SLC16A7: variants seen among roughly 807,000 people sequenced by gnomAD.
The protein encoded by SLC16A7 is solute carrier family 16 member 7, also known as monocarboxylate transporter 2.
In SLC16A7, 33 loss-of-function variants were observed where a neutral mutation model predicts 34.9. The ratio of observed to expected loss-of-function variants is 0.94; its 90% CI spans 0.72 to 1.26. The LOEUF (loss-of-function observed/expected upper bound fraction) is 1.26. Among genes scored for constraint, SLC16A7 ranks in the 50% most tolerant of loss-of-function variants. The probability of loss-of-function intolerance (pLI) is 0.00; values close to 1 mark genes in which losing one functional copy is unlikely to be tolerated. For synonymous variants in SLC16A7, 201 were observed against 206.6 expected, an observed-to-expected ratio of 0.97 and a Z score of 0.23; for missense variants, 573 against 578.1, an observed-to-expected ratio of 0.99 and a Z score of 0.09.
At chr12:59,643,494 A>G (rs1880776841) in intron 1 of SLC16A7, among the ~76,000 whole-genome samples, 1 of 152,176 alleles carries the variant, frequency 6.6e-6, no homozygotes, top group Admixed American at 6.6e-5. Flanking sequence ...TCCATATATC[A>G]TCATGGAAGT....
intron 2 of SLC16A7, among the ~76,000 whole-genome samples, chr12:59,684,966 G>A (rs1214445373): frequency 6.6e-6 from 1 of 152,116 alleles, no homozygotes; most frequent in Non-Finnish European, 1.5e-5. Context: ...GTGTGGTACA[G>A]GTATGCCATC....
chr12:59,703,563 CT>C (rs752701277), intron 2 of SLC16A7, among the ~76,000 whole-genome samples: 6 of 152,032 alleles, frequency 3.9e-5, no homozygotes, highest in Non-Finnish European at 5.9e-5. Context: ...GAGATATTTT[CT>C]GTACAAATCA....
chr12:59,727,030 T>C (rs12824130), intron 3 of SLC16A7, among the ~76,000 whole-genome samples: 9,388 of 151,314 alleles, frequency 0.062, 446 homozygotes, highest in Middle Eastern at 0.18. Flanking sequence ...TCAAAAGGAG[T>C]GATCATGAGG....
At chr12:59,769,524 A>AGTT (rs1882018847) in intron 3 of SLC16A7, among the ~76,000 whole-genome samples, 1 of 151,944 alleles carries the variant, frequency 6.6e-6, no homozygotes, top group Non-Finnish European at 1.5e-5. Context: ...GCCTTTTTAA[A>AGTT]GTTTTATGTT....
intron 2 of SLC16A7, among the ~76,000 whole-genome samples, chr12:59,691,530 G>A (rs979781432): frequency 6.6e-6 from 1 of 152,008 alleles, no homozygotes; most frequent in African/African-American, 2.4e-5. Flanking sequence ...GGGCTGGGCT[G>A]ACTGAAGTCT....
Position 59,660,541 on chromosome 12 carries a change from CA to C in SLC16A7, c.-31+5307del, listed in dbSNP as rs201006070. 5.5e-3 allele frequency among the ~76,000 whole-genome samples: 608 copies of C among 111,456 alleles called. 6 individuals carry two copies. The highest frequency in any genetic ancestry group is 0.012 in the Middle Eastern group (2 of 168). 73.1% of individuals were successfully genotyped at this position (111,456 alleles called of 152,430 possible). A position where few individuals can be genotyped will look rare whatever the true frequency, so the allele number is the denominator to read the frequency against. On this transcript the variant is annotated intron_variant, in intron 2 of 5. Transcript: ENST00000547379. ...ACAACATAGGCAGACCTTGTCTCTA[CA>C]AAAAAAAAAAAAAAATTAAAAATTA...
intron 3 of SLC16A7, among the ~76,000 whole-genome samples, chr12:59,731,478 G>C (rs1486724891): frequency 6.6e-6 from 1 of 152,184 alleles, no homozygotes; most frequent in Non-Finnish European, 1.5e-5. Context: ...GCTTTGAAGT[G>C]CTTGATAGTA....
chr12:59,703,447 A>G (rs1873122514), intron 2 of SLC16A7, among the ~76,000 whole-genome samples: 1 of 152,150 alleles, frequency 6.6e-6, no homozygotes, highest in South Asian at 2.1e-4. Flanking sequence ...ATTGTACCCC[A>G]TAAATATATA....
At chr12:59,731,713 C>A (rs1373452996) in intron 3 of SLC16A7, among the ~76,000 whole-genome samples, 1 of 152,142 alleles carries the variant, frequency 6.6e-6, no homozygotes, top group Non-Finnish European at 1.5e-5. Flanking sequence ...ACATAGAGCT[C>A]ATTTGGCCCA....
At chr12:59,673,177 A>G (rs1468300046) in intron 2 of SLC16A7, among the ~76,000 whole-genome samples, 2 of 152,214 alleles carry the variant, frequency 1.3e-5, no homozygotes, top group Non-Finnish European at 2.9e-5. Flanking sequence ...CGATTTTGCT[A>G]CATAATATTT....
intron 1 of SLC16A7, among the ~76,000 whole-genome samples, chr12:59,613,515 G>A (rs1879297304): frequency 6.6e-6 from 1 of 152,158 alleles, no homozygotes; most frequent in African/African-American, 2.4e-5. Flanking sequence ...AAGTTTTATA[G>A]TGTCTAATAG....
At chr12:59,763,105 A>G (rs1881190792) in intron 3 of SLC16A7, among the ~76,000 whole-genome samples, 1 of 152,102 alleles carries the variant, frequency 6.6e-6, no homozygotes, top group African/African-American at 2.4e-5. Flanking sequence ...AATCAAAATA[A>G]GATAATTACT....
intron 1 of SLC16A7, among the ~76,000 whole-genome samples, chr12:59,599,776 T>C (rs1355855818): frequency 1.3e-5 from 2 of 152,256 alleles, no homozygotes; most frequent in African/African-American, 4.8e-5. Flanking sequence ...TTCCACATCT[T>C]GAAGTAATCT....
chr12:59,767,389 A>G lies in SLC16A7; in HGVS notation c.218-3830A>G, dbSNP rs866600801. ...CTTCTATTGGAAGTAGATGCTATCTAGGACTTTCATTGGTAGATAGCAGAA... is the reference window on the plus strand; with the variant it reads ...CTTCTATTGGAAGTAGATGCTATCTGGGACTTTCATTGGTAGATAGCAGAA... On this transcript the variant is annotated intron_variant, in intron 3 of 5. Coordinates refer to ENST00000547379, the MANE Select transcript of SLC16A7 (RefSeq NM_001270623.2). Among the ~76,000 whole-genome samples the G allele has an allele frequency of 6.6e-5, 10 of 152,150 alleles. No individual in the cohort carries two copies. The South Asian group carries it at 2.1e-3, about 32-fold the overall frequency.
At chr12:59,632,399 G>A (rs188631911) in intron 1 of SLC16A7, among the ~76,000 whole-genome samples, 170 of 152,068 alleles carry the variant, frequency 1.1e-3, no homozygotes, top group Middle Eastern at 3.4e-3. Context: ...TATTTCAGAT[G>A]GGATAATTCC....
chr12:59,694,049 AACATT>A (rs1871984804), intron 2 of SLC16A7, among the ~76,000 whole-genome samples: 1 of 151,990 alleles, frequency 6.6e-6, no homozygotes, highest in Non-Finnish European at 1.5e-5. Context: ...AAAGCTCTAA[AACATT>A]GTTTATTTTT....
chr12:59,685,399 A>C (rs1456025909), intron 2 of SLC16A7, among the ~76,000 whole-genome samples: 1 of 152,204 alleles, frequency 6.6e-6, no homozygotes, highest in Non-Finnish European at 1.5e-5. Flanking sequence ...TGCCTCTTAC[A>C]TTAATGGGTT....
rs78295705 is a variant in SLC16A7, at chr12:59,674,524, C to T, written c.-31+19274C>T. Among the ~76,000 whole-genome samples, 25 of 152,228 alleles carry T rather than the reference C, an allele frequency of 1.6e-4. No individual in the cohort carries two copies. In the East Asian group the frequency reaches 4.8e-3, roughly 29 times the overall value. ...AGTGTTGATATTTGAAAGGGCCAGT[C>T]AGGTGGGGAAAGCAGAGGAAATCTG... On this transcript the variant is annotated intron_variant, in intron 2 of 5. Coordinates refer to ENST00000547379, the MANE Select transcript of SLC16A7 (RefSeq NM_001270623.2).
intron 2 of SLC16A7, among the ~76,000 whole-genome samples, chr12:59,701,843 AAAAT>A (rs1381719677): frequency 2.6e-5 from 4 of 151,970 alleles, no homozygotes; most frequent in African/African-American, 7.2e-5. Context: ...AAGTGAGTGA[AAAAT>A]AAATAATCCA....
Sources: allele counts gnomAD v4.1 joint callset (sites outside exome capture counted in the v4.1 genomes callset), GRCh38; gene constraint gnomAD v4.1.1; transcripts MANE v1.5; gene names NCBI Gene and HGNC (gene_info 2026-07-23, HGNC 2026-07-21).